The following SND1 variants were observed in gnomAD, a reference collection of about 807,000 sequenced individuals.
SND1 encodes staphylococcal nuclease domain-containing protein 1.
SND1 carries 38 observed loss-of-function variants against 121.7 expected under a neutral mutation model. That is an observed-to-expected ratio of 0.31 (90% CI 0.24 to 0.41). SND1 has a LOEUF of 0.41. SND1 is among the 10% of genes least tolerant of loss of function. The probability of loss-of-function intolerance (pLI) is 1.00; values close to 1 mark genes in which losing one functional copy is unlikely to be tolerated. For synonymous variants in SND1, 401 were observed against 447.4 expected (o/e 0.90, Z 1.31); for missense variants, 868 against 1,184.6 (o/e 0.73, Z 3.92).
intron 12 of SND1, among the ~76,000 whole-genome samples, chr7:127,885,303 A>G (rs1466083963): frequency 1.3e-5 from 2 of 152,112 alleles, no homozygotes; most frequent in African/African-American, 2.4e-5. Flanking sequence ...TCTCATATGC[A>G]TTGCACGTAG....
chr7:127,811,586 G>A (rs773784243), intron 11 of SND1, among the ~76,000 whole-genome samples: 1 of 152,072 alleles, frequency 6.6e-6, no homozygotes, highest in Non-Finnish European at 1.5e-5. Flanking sequence ...ATCTCGTCTA[G>A]CCTGGACTCC....
intron 10 of SND1, among the ~76,000 whole-genome samples, chr7:127,739,944 A>C (rs562365511): frequency 2.0e-5 from 3 of 152,214 alleles, no homozygotes; most frequent in African/African-American, 7.2e-5. Context: ...AAGGTTGACT[A>C]GAAGAGAGCC....
At chr7:127,681,024 A>G (rs1795716560) in intron 1 of SND1, among the ~76,000 whole-genome samples, 1 of 152,144 alleles carries the variant, frequency 6.6e-6, no homozygotes, top group Non-Finnish European at 1.5e-5. Flanking sequence ...CCCGCAACAT[A>G]TACACCTAGG....
chr7:127,930,371 G>A (rs1289836518), intron 15 of SND1, among the ~76,000 whole-genome samples: 1 of 152,202 alleles, frequency 6.6e-6, no homozygotes, highest in African/African-American at 2.4e-5. Context: ...GAAGGCACAG[G>A]TAGTTTCTTG....
intron 4 of SND1, among the ~76,000 whole-genome samples, chr7:127,699,358 C>T (rs1396984477): frequency 6.6e-6 from 1 of 152,144 alleles, no homozygotes; most frequent in African/African-American, 2.4e-5. Flanking sequence ...AATGGGGAGA[C>T]AGTCAGTAAA....
At chr7:127,666,085 A>G (rs1795413767) in intron 1 of SND1, among the ~76,000 whole-genome samples, 1 of 152,136 alleles carries the variant, frequency 6.6e-6, no homozygotes, top group Admixed American at 6.5e-5. Flanking sequence ...AAGCTGAGTT[A>G]TCTTGTTAAG....
At chr7:127,770,801 C>A (rs1307550563) in intron 10 of SND1, among the ~76,000 whole-genome samples, 1 of 152,160 alleles carries the variant, frequency 6.6e-6, no homozygotes, top group African/African-American at 2.4e-5. Context: ...ATGCCATACA[C>A]TTAATTGCTT....
At chr7:127,834,075 A>G (rs913640840) in intron 11 of SND1, among the ~76,000 whole-genome samples, 9 of 151,928 alleles carry the variant, frequency 5.9e-5, no homozygotes, top group Admixed American at 2.6e-4. Context: ...TATCTACCAT[A>G]TTTTGTTTAT....
intron 10 of SND1, among the ~76,000 whole-genome samples, chr7:127,752,940 C>T (rs1447103851): frequency 6.6e-6 from 1 of 152,170 alleles, no homozygotes; most frequent in Non-Finnish European, 1.5e-5. Context: ...CTAATTCTGC[C>T]TCCTTGTCTT....
chr7:127,979,238 A>G (rs1160631919), intron 15 of SND1, among the ~76,000 whole-genome samples: 1 of 152,254 alleles, frequency 6.6e-6, no homozygotes, highest in African/African-American at 2.4e-5. Context: ...ATTGTTGGAA[A>G]TAAATTTTCA....
chr7:127,685,427 C>T (rs926745720), intron 1 of SND1, among the ~76,000 whole-genome samples: 2 of 152,160 alleles, frequency 1.3e-5, no homozygotes, highest in East Asian at 1.9e-4. Context: ...TTTTATGAAG[C>T]GTGGAATTGA....
intron 16 of SND1, among the ~76,000 whole-genome samples, chr7:128,025,474 C>T (rs185481898): frequency 5.0e-4 from 76 of 152,314 alleles, no homozygotes; most frequent in African/African-American, 1.7e-3. Flanking sequence ...AATTCTCTAA[C>T]TCCGTATCAT....
At chr7:127,976,389 C>G (rs1380126773) in intron 15 of SND1, among the ~76,000 whole-genome samples, 2 of 152,252 alleles carry the variant, frequency 1.3e-5, no homozygotes, top group Non-Finnish European at 2.9e-5. Context: ...AAAATAAAGA[C>G]CAGATGCGGG....
chr7:128,053,619 A>G (rs577027918), intron 16 of SND1, among the ~76,000 whole-genome samples: 3 of 152,262 alleles, frequency 2.0e-5, no homozygotes, highest in East Asian at 1.9e-4. Context: ...AGGATGGAAC[A>G]TAGCAGCTGA....
chr7:127,861,868 A>T (rs1799387073), intron 12 of SND1, among the ~76,000 whole-genome samples: 1 of 152,158 alleles, frequency 6.6e-6, no homozygotes, highest in Non-Finnish European at 1.5e-5. Flanking sequence ...AACTCAAGGG[A>T]AGAATGGAGT....
chr7:127,931,085 G>A (rs1429527445), intron 15 of SND1, among the ~76,000 whole-genome samples: 2 of 152,164 alleles, frequency 1.3e-5, no homozygotes, highest in African/African-American at 2.4e-5. Context: ...GATAAATGTT[G>A]TATGTGTTCT....
chr7:127,718,682 T>G (rs1042340696), intron 9 of SND1: 1 of 985,234 alleles, frequency 1.0e-6, no homozygotes, highest in East Asian at 1.1e-4. Context: ...TGCTAACATA[T>G]TACAAGGGGT....
At chr7:127,818,714 A>AGGGT (rs1344811652) in intron 11 of SND1, among the ~76,000 whole-genome samples, 2 of 152,204 alleles carry the variant, frequency 1.3e-5, no homozygotes, top group Admixed American at 6.5e-5. Context: ...TTTGATGCAC[A>AGGGT]GGGTGGGCAG....
chr7:127,895,200 A>G (rs569954329), intron 13 of SND1, among the ~76,000 whole-genome samples: 1 of 152,194 alleles, frequency 6.6e-6, no homozygotes, highest in East Asian at 1.9e-4. Context: ...CCTTCAATCT[A>G]ATGACCTCAA....
Sources: gnomAD v4.1 joint callset for allele counts (sites outside exome capture counted in the v4.1 genomes callset) on GRCh38, gnomAD v4.1.1 for gene constraint, MANE v1.5 for transcripts, NCBI Gene and HGNC (gene_info 2026-07-23, HGNC 2026-07-21) for gene names.